Variants in TKTL1 observed in about 807,000 individuals in gnomAD.
TKTL1 encodes transketolase like 1.
In TKTL1, 1 loss-of-function variant was observed where a neutral mutation model predicts 39.3. The observed-to-expected ratio is 0.03, with a 90% CI of 0.01 to 0.12. The LOEUF is 0.12. Ranked by LOEUF, TKTL1 falls within the 10% of genes least tolerant of loss-of-function variation. The pLI, the probability that TKTL1 is intolerant of heterozygous loss-of-function variation, is 1.00. For missense variants in TKTL1, 575 were observed against 509.6 expected (o/e 1.13, Z -1.24); for synonymous variants, 262 against 193.8 (o/e 1.35, Z -2.92).
chrX:154,305,876 T>C (rs966566828), intron 2 of TKTL1, among the ~76,000 whole-genome samples: 1 of 111,328 alleles, frequency 9.0e-6, no homozygotes, highest in African/African-American at 3.3e-5. Flanking sequence ...TCTCATGAGA[T>C]TGGGCAAAAT....
chrX:154,320,020 G>A (rs868930649), intron 7 of TKTL1, among the ~76,000 whole-genome samples: 3 of 112,597 alleles, frequency 2.7e-5, no homozygotes, highest in Admixed American at 1.9e-4. Context: ...GCGACTTCCC[G>A]AGGGTGCACA....
chrX:154,303,284 C>T (rs2067288837), intron 1 of TKTL1, among the ~76,000 whole-genome samples: 1 of 103,690 alleles, frequency 9.6e-6, no homozygotes, highest in African/African-American at 3.5e-5. Context: ...GTGATCATGG[C>T]TCACTACAGC....
intron 12 of TKTL1, among the ~76,000 whole-genome samples, chrX:154,329,246 C>G (rs782629508): frequency 2.4e-4 from 27 of 112,434 alleles, no homozygotes; most frequent in Middle Eastern, 4.6e-3. Flanking sequence ...ACTGTTAATT[C>G]ATTAGTTCTA....
At chrX:154,307,289 GCTTT>G (rs1341810551) in intron 2 of TKTL1, among the ~76,000 whole-genome samples, 2 of 111,756 alleles carry the variant, frequency 1.8e-5, no homozygotes, top group African/African-American at 3.3e-5. Flanking sequence ...GGATGAAGAG[GCTTT>G]CTATCGGGCA....
intron 2 of TKTL1, among the ~76,000 whole-genome samples, chrX:154,306,061 C>A (rs1211078180): frequency 9.0e-6 from 1 of 110,752 alleles, no homozygotes; most frequent in East Asian, 2.8e-4. Flanking sequence ...ACTCCCAGCA[C>A]TTTGGGAGAC....
chrX:154,305,157 A>G, intron 1 of TKTL1, 147 bp from the exon 2 acceptor site: 1 of 1,179,058 alleles, frequency 8.5e-7, no homozygotes, highest in Non-Finnish European at 1.1e-6. Flanking sequence ...CGCCCTTCCA[A>G]CCTGTGAGCC....
At position 154,302,567 on chromosome X, in the gene TKTL1, C is replaced by G. The variant is rs782730044; in HGVS notation, c.135-2737C>G. ...ATTCATGAGGGCTCCACTCTCACAG[C>G]GTAATCACCTCCCAAAGGCCCTGCC... On this transcript the variant is annotated intron_variant, in intron 1 of 12. Coordinates refer to ENST00000369915, the MANE Select transcript of TKTL1 (RefSeq NM_012253.4). Among the ~76,000 whole-genome samples the G allele has an allele frequency of 2.7e-5, 3 of 111,470 alleles. No homozygotes were observed. In the South Asian group the frequency reaches 1.1e-3, roughly 42 times the overall value.
At chrX:154,324,336 G>A (rs1027880571) in intron 9 of TKTL1, among the ~76,000 whole-genome samples, 2 of 111,585 alleles carry the variant, frequency 1.8e-5, no homozygotes, top group South Asian at 3.7e-4. Flanking sequence ...ACAGGGTTTC[G>A]CCATGTTGGC....
intron 8 of TKTL1, among the ~76,000 whole-genome samples, chrX:154,321,607 G>A (rs1345320461): frequency 2.8e-5 from 3 of 108,374 alleles, no homozygotes; most frequent in East Asian, 2.9e-4. Context: ...ACGAGTCTCC[G>A]GGATTCCTCA....
At chrX:154,318,906 C>T (rs1467766680) in intron 7 of TKTL1, among the ~76,000 whole-genome samples, 1 of 111,011 alleles carries the variant, frequency 9.0e-6, no homozygotes, top group African/African-American at 3.3e-5. Context: ...TATTGATTGT[C>T]CTATCATTTT....
chrX:154,303,644 C>A (rs1305044872), intron 1 of TKTL1, among the ~76,000 whole-genome samples: 6 of 106,855 alleles, frequency 5.6e-5, no homozygotes, highest in Non-Finnish European at 9.6e-5. Flanking sequence ...CCAACTTCCC[C>A]CTCATCATGC....
chrX:154,329,581 G>A lies in TKTL1; in HGVS notation c.1684G>A (p.Ala562Thr). Residue 562 changes from alanine (A) to threonine (T), a missense_variant, in exon 13 of 13, where the codon GCA becomes ACA. By Grantham distance (58) the Ala-to-Thr change is moderately conservative. Coordinates refer to ENST00000369915, the MANE Select transcript of TKTL1 (RefSeq NM_012253.4). ...TCCTGACATTCAGGTTCATTCGCTG[G>A]CAGTGTCGGGAGTGCCCCAGAGTGG... Reference protein sequence around the residue: ...MDPDIQVHSLAVSGVPQSGKS... With the variant: ...MDPDIQVHSLTVSGVPQSGKS... The A allele has an allele frequency of 8.3e-7, 1 of 1,211,840 alleles. No homozygotes were observed. Among genetic ancestry groups the A allele is most frequent in the Non-Finnish European group, 1.1e-6 (1 of 895,372 alleles).
intron 1 of TKTL1, among the ~76,000 whole-genome samples, chrX:154,296,563 C>T (rs1557164584): frequency 9.0e-6 from 1 of 111,133 alleles, no homozygotes; most frequent in Admixed American, 9.5e-5. Context: ...CCCAGCTATT[C>T]GGGAGGCTTG....
At chrX:154,296,109 TGTCGTAA>T (rs1557164406) in intron 1 of TKTL1, 116 bp downstream of exon 1, 5 of 983,953 alleles carry the variant, frequency 5.1e-6, no homozygotes, top group Non-Finnish European at 7.0e-6. Context: ...CAATGGGCTG[TGTCGTAA>T]TGCCCTGTCT....
intron 7 of TKTL1, among the ~76,000 whole-genome samples, chrX:154,318,458 G>C (rs2067420275): frequency 9.2e-6 from 1 of 108,148 alleles, no homozygotes; most frequent in East Asian, 2.9e-4. Flanking sequence ...CCAGCACTTT[G>C]GGAGGCCGAG....
chrX:154,329,761 C>G lies in TKTL1; in HGVS notation c.*73C>G, dbSNP rs1349499836. On this transcript the variant is annotated 3_prime_UTR_variant, in exon 13 of 13. Transcript: ENST00000369915. ...TTTGTTCCAAAACCATCATTTAAAT[C>G]TCTACTGTCACATTTTGTTTCTTAA... 9.0e-7 allele frequency: 1 copy of G among 1,105,400 alleles called. No individual in the cohort carries two copies. 91.1% of individuals were successfully genotyped at this position (1,105,400 alleles called of 1,213,427 possible). A position where few individuals can be genotyped will look rare whatever the true frequency, so the allele number is the denominator to read the frequency against.
At chrX:154,303,691 A>G (rs1434468868) in intron 1 of TKTL1, among the ~76,000 whole-genome samples, 1 of 107,203 alleles carries the variant, frequency 9.3e-6, no homozygotes, top group African/African-American at 3.4e-5. Context: ...CCCCCCTGGA[A>G]GTCCCCCATA....
At chrX:154,304,935 A>T in intron 1 of TKTL1, 4 of 849,051 alleles carry the variant, frequency 4.7e-6, no homozygotes, top group Non-Finnish European at 6.3e-6. Flanking sequence ...TCATTGTAGA[A>T]GGTAGAATGG....
intron 6 of TKTL1, 77 bp downstream of exon 6, chrX:154,312,850 A>G (rs1259061796): frequency 7.3e-6 from 7 of 960,103 alleles, no homozygotes; most frequent in Non-Finnish European, 7.1e-6. Context: ...GTATGTACAC[A>G]GGATTCTTCA....
Sources: allele counts gnomAD v4.1 joint callset (sites outside exome capture counted in the v4.1 genomes callset), GRCh38; gene constraint gnomAD v4.1.1; transcripts MANE v1.5; gene names NCBI Gene and HGNC (gene_info 2026-07-23, HGNC 2026-07-21).